Variants in COX7B2 observed in about 807,000 individuals in gnomAD.
COX7B2 encodes the protein cytochrome c oxidase subunit 7B2, mitochondrial.
For missense variants in COX7B2, 109 were observed against 95.9 expected, an observed-to-expected ratio of 1.14 and a Z score of -0.57; for synonymous variants, 37 against 32.1, an observed-to-expected ratio of 1.15 and a Z score of -0.51.
chr4:46,797,449 G>A (rs1472743776), intron 2 of COX7B2, among the ~76,000 whole-genome samples: 1 of 152,164 alleles, frequency 6.6e-6, no homozygotes, highest in East Asian at 1.9e-4. Context: ...TATTTCTCAA[G>A]TTCTGGAATG....
chr4:46,813,581 G>A (rs946636577), intron 2 of COX7B2, among the ~76,000 whole-genome samples: 1 of 152,152 alleles, frequency 6.6e-6, no homozygotes, highest in Non-Finnish European at 1.5e-5. Flanking sequence ...GAAAGGGAGA[G>A]TATTAGGACA....
intron 1 of COX7B2, among the ~76,000 whole-genome samples, chr4:46,850,076 C>G (rs957686977): frequency 1.3e-5 from 2 of 150,096 alleles, no homozygotes; most frequent in Non-Finnish European, 2.9e-5. Context: ...GATGATTATA[C>G]TAAAGCATGT....
chr4:46,839,522 A>G (rs547900738), intron 2 of COX7B2, among the ~76,000 whole-genome samples: 134 of 152,086 alleles, frequency 8.8e-4, no homozygotes, highest in African/African-American at 3.1e-3. Context: ...GTAGGTGACC[A>G]CCTACACTGT....
chr4:46,826,892 G>GA (rs1462415947), intron 2 of COX7B2, among the ~76,000 whole-genome samples: 14 of 151,718 alleles, frequency 9.2e-5, no homozygotes, highest in Non-Finnish European at 5.9e-5. Context: ...GAGAGGAGCA[G>GA]AAAAATGGCA....
intron 2 of COX7B2, among the ~76,000 whole-genome samples, chr4:46,755,453 A>G (rs1301264097): frequency 1.3e-5 from 2 of 152,086 alleles, no homozygotes. Context: ...ATGGCACTAG[A>G]AACCCTCAAC....
intron 1 of COX7B2, among the ~76,000 whole-genome samples, chr4:46,899,661 G>A (rs556462239): frequency 6.6e-6 from 1 of 152,110 alleles, no homozygotes; most frequent in Non-Finnish European, 1.5e-5. Flanking sequence ...CCAGGCTCAT[G>A]ATAGACTTTA....
At chr4:46,812,049 T>G (rs1273047079) in intron 2 of COX7B2, among the ~76,000 whole-genome samples, 2 of 152,172 alleles carry the variant, frequency 1.3e-5, no homozygotes, top group African/African-American at 4.8e-5. Flanking sequence ...AAATTGGGTC[T>G]GATATGGCTT....
intron 2 of COX7B2, among the ~76,000 whole-genome samples, chr4:46,822,535 C>T (rs186527642): frequency 6.6e-6 from 1 of 152,044 alleles, no homozygotes; most frequent in Non-Finnish European, 1.5e-5. Flanking sequence ...CAACACCATG[C>T]CAACTTGACA....
intron 2 of COX7B2, among the ~76,000 whole-genome samples, chr4:46,810,008 T>C (rs1483946336): frequency 6.6e-6 from 1 of 152,004 alleles, no homozygotes; most frequent in Non-Finnish European, 1.5e-5. Flanking sequence ...CTTTGTCCCA[T>C]GTTACTTTTT....
At chr4:46,827,432 G>A (rs549155832) in intron 2 of COX7B2, among the ~76,000 whole-genome samples, 13 of 152,182 alleles carry the variant, frequency 8.5e-5, no homozygotes, top group African/African-American at 2.4e-4. Flanking sequence ...CACAAACAGC[G>A]GAGGCCAGAA....
intron 2 of COX7B2, among the ~76,000 whole-genome samples, chr4:46,831,962 T>G (rs1715143370): frequency 1.3e-5 from 2 of 152,096 alleles, no homozygotes; most frequent in Admixed American, 1.3e-4. Flanking sequence ...GGTGGAGAAC[T>G]TTTGTGTCTA....
intron 1 of COX7B2, among the ~76,000 whole-genome samples, chr4:46,867,400 C>T (rs1717729873): frequency 6.6e-6 from 1 of 152,282 alleles, no homozygotes; most frequent in African/African-American, 2.4e-5. Context: ...CTGGAACCAG[C>T]CAATGGTGTC....
chr4:46,829,642 G>A (rs1218170115), intron 2 of COX7B2, among the ~76,000 whole-genome samples: 6 of 152,114 alleles, frequency 3.9e-5, no homozygotes, highest in Admixed American at 1.3e-4. Context: ...ATTAAAGAAG[G>A]GGATCAGAGA....
intron 2 of COX7B2, among the ~76,000 whole-genome samples, chr4:46,790,961 G>C (rs1249105021): frequency 6.6e-6 from 1 of 152,120 alleles, no homozygotes; most frequent in Non-Finnish European, 1.5e-5. Flanking sequence ...CTCAGCTAAT[G>C]CCTGAAGTCC....
At chr4:46,784,952 A>G (rs568066667) in intron 2 of COX7B2, among the ~76,000 whole-genome samples, 13 of 152,370 alleles carry the variant, frequency 8.5e-5, no homozygotes, top group Non-Finnish European at 1.8e-4. Flanking sequence ...CTTTTAGCTA[A>G]AAGTGTTTAC....
intron 1 of COX7B2, among the ~76,000 whole-genome samples, chr4:46,856,777 T>C (rs1487990199): frequency 1.3e-5 from 2 of 152,206 alleles, no homozygotes; most frequent in Non-Finnish European, 2.9e-5. Flanking sequence ...AAGGCAAAGC[T>C]ATTAAGATAA....
At chr4:46,758,649 C>G (rs1157904977) in intron 2 of COX7B2, among the ~76,000 whole-genome samples, 2 of 152,060 alleles carry the variant, frequency 1.3e-5, no homozygotes, top group African/African-American at 4.8e-5. Context: ...ATTAAGATTT[C>G]TATTTGCAAC....
intron 1 of COX7B2, among the ~76,000 whole-genome samples, chr4:46,849,255 A>T (rs1716504609): frequency 6.6e-6 from 1 of 152,070 alleles, no homozygotes; most frequent in Non-Finnish European, 1.5e-5. Flanking sequence ...AGGCTAAAAG[A>T]TTAAATCAAT....
intron 2 of COX7B2, among the ~76,000 whole-genome samples, chr4:46,820,834 AATATAT>A (rs1194238870): frequency 1.2e-4 from 15 of 129,198 alleles, no homozygotes; most frequent in East Asian, 4.6e-4. Context: ...AAAAAAAAAA[AATATAT>A]ATATATATAT....
Sources: gnomAD v4.1 joint callset for allele counts (sites outside exome capture counted in the v4.1 genomes callset) on GRCh38, gnomAD v4.1.1 for gene constraint, MANE v1.5 for transcripts, NCBI Gene and HGNC (gene_info 2026-07-23, HGNC 2026-07-21) for gene names.